Variants in LRRC37A2 observed in about 807,000 individuals in gnomAD.
LRRC37A2 encodes the protein leucine rich repeat containing 37 member A2.
LRRC37A2 carries 9 observed loss-of-function variants against 68.8 expected under a neutral mutation model. The observed-to-expected ratio is 0.13, with a 90% CI of 0.08 to 0.23. LRRC37A2 has a LOEUF of 0.23. Ranked by LOEUF, LRRC37A2 falls within the 10% of genes least tolerant of loss-of-function variation. The probability of loss-of-function intolerance (pLI) is 1.00; values close to 1 mark genes in which losing one functional copy is unlikely to be tolerated. For missense variants in LRRC37A2, 168 were observed against 950.4 expected (o/e 0.18, Z 10.82); for synonymous variants, 63 against 367.6 (o/e 0.17, Z 9.48).
chr17:46,779,105 C>CACACACACA, the LRRC37A2 span, among the ~76,000 whole-genome samples: 1 of 35,398 alleles, frequency 2.8e-5, no homozygotes, highest in South Asian at 9.5e-4. Context: ...ACACACACAC[C>CACACACACA]CCAGCCCACT....
the LRRC37A2 span, chr17:46,938,710 A>T: frequency 1.9e-6 from 3 of 1,613,860 alleles, no homozygotes; most frequent in Non-Finnish European, 2.5e-6. Flanking sequence ...GATAGGTGGG[A>T]TGCTGCTGAC....
At chr17:46,905,538 A>C in the LRRC37A2 span, among the ~76,000 whole-genome samples, 1 of 152,246 alleles carries the variant, frequency 6.6e-6, no homozygotes, top group East Asian at 1.9e-4. Flanking sequence ...GTCACACATG[A>C]AGAAGAGAGC....
chr17:46,884,865 G>A, the LRRC37A2 span, among the ~76,000 whole-genome samples: 2 of 152,164 alleles, frequency 1.3e-5, no homozygotes, highest in East Asian at 1.9e-4. Flanking sequence ...GGAGGACTAT[G>A]GCCTGGCTTC....
At chr17:46,870,600 T>C in the LRRC37A2 span, among the ~76,000 whole-genome samples, 2 of 152,188 alleles carry the variant, frequency 1.3e-5, no homozygotes. Context: ...TGACTGCACC[T>C]GATGGGTGTG....
the LRRC37A2 span, chr17:46,929,654 A>C: frequency 1.2e-6 from 1 of 814,978 alleles, no homozygotes; most frequent in Non-Finnish European, 2.2e-6. Context: ...GGGCTTCCTG[A>C]CTGCACTCTG....
chr17:46,631,105 C>CACACACAT, the LRRC37A2 span, among the ~76,000 whole-genome samples: 2 of 145,424 alleles, frequency 1.4e-5, no homozygotes, highest in Non-Finnish European at 3.0e-5. Context: ...CACACACACA[C>CACACACAT]ATCTTTTATC....
the LRRC37A2 span, among the ~76,000 whole-genome samples, chr17:46,807,023 G>C: frequency 6.6e-6 from 1 of 152,214 alleles, no homozygotes; most frequent in East Asian, 1.9e-4. Flanking sequence ...AAGGGAGCCA[G>C]GGGTAGGGGT....
At chr17:46,708,963 T>G in the LRRC37A2 span, among the ~76,000 whole-genome samples, 7 of 151,550 alleles carry the variant, frequency 4.6e-5, no homozygotes, top group Non-Finnish European at 1.0e-4. Flanking sequence ...TAGCTAGGAC[T>G]GCAGGCTTGC....
the LRRC37A2 span, among the ~76,000 whole-genome samples, chr17:46,816,813 C>T: frequency 6.6e-6 from 1 of 152,200 alleles, no homozygotes; most frequent in Non-Finnish European, 1.5e-5. Flanking sequence ...CCCCAACCCA[C>T]CAGAGTCTCT....
the LRRC37A2 span, chr17:46,721,786 A>G: frequency 8.1e-5 from 130 of 1,602,164 alleles, no homozygotes; most frequent in Non-Finnish European, 1.0e-4. Flanking sequence ...CAAGGAAGGC[A>G]TCGTGCACAG....
the LRRC37A2 span, among the ~76,000 whole-genome samples, chr17:46,997,964 C>T: frequency 1.0e-5 from 1 of 98,982 alleles, no homozygotes; most frequent in South Asian, 3.7e-4. Flanking sequence ...GAGTGAAACT[C>T]CATCTGAAAA....
the LRRC37A2 span, among the ~76,000 whole-genome samples, chr17:46,790,842 T>C: frequency 3.3e-5 from 5 of 152,228 alleles, no homozygotes; most frequent in African/African-American, 7.2e-5. Flanking sequence ...TCGCGTTTTA[T>C]GTGCGTTCCA....
At chr17:47,024,774 T>C in the LRRC37A2 span, 3 of 770,704 alleles carry the variant, frequency 3.9e-6, no homozygotes, top group Admixed American at 5.4e-5. Context: ...ATTATATTTA[T>C]GAGTTTTTAG....
the LRRC37A2 span, among the ~76,000 whole-genome samples, chr17:46,814,945 C>T: frequency 6.6e-6 from 1 of 152,132 alleles, no homozygotes; most frequent in East Asian, 1.9e-4. Context: ...CAGCTCACTG[C>T]CCTTGTCCTC....
At chr17:47,018,384 G>A in the LRRC37A2 span, 3 of 1,608,472 alleles carry the variant, frequency 1.9e-6, no homozygotes, top group East Asian at 4.5e-5. Flanking sequence ...TTCACCTCCA[G>A]GTCACCATCA....
intron 3 of LRRC37A2, among the ~76,000 whole-genome samples, chr17:46,519,123 A>AT (rs2051872419): frequency 1.5e-5 from 2 of 136,214 alleles, no homozygotes; most frequent in East Asian, 4.5e-4. Flanking sequence ...TGCTTTATTT[A>AT]TTTTTTCAGA....
At chr17:46,746,322 C>G in the LRRC37A2 span, among the ~76,000 whole-genome samples, 1 of 152,192 alleles carries the variant, frequency 6.6e-6, no homozygotes, top group African/African-American at 2.4e-5. Context: ...AGGGTCTCAA[C>G]TTTGTTTCTT....
At chr17:46,655,928 G>A in the LRRC37A2 span, among the ~76,000 whole-genome samples, 2 of 107,550 alleles carry the variant, frequency 1.9e-5, no homozygotes, top group Non-Finnish European at 1.8e-5. Flanking sequence ...AAAAAAAAAA[G>A]GAATGGGTTG....
the LRRC37A2 span, among the ~76,000 whole-genome samples, chr17:46,747,749 A>T: frequency 6.6e-6 from 1 of 152,334 alleles, no homozygotes; most frequent in African/African-American, 2.4e-5. Context: ...AAAAACTAAG[A>T]GTAAATAAGA....
Sources: gnomAD v4.1 joint callset for allele counts (sites outside exome capture counted in the v4.1 genomes callset) on GRCh38, gnomAD v4.1.1 for gene constraint, MANE v1.5 for transcripts, NCBI Gene and HGNC (gene_info 2026-07-23, HGNC 2026-07-21) for gene names.